SGSM3: variants seen among roughly 807,000 people sequenced by gnomAD.
SGSM3 encodes small G protein signaling modulator 3, also known as RUN and SH3 containing 3.
A neutral mutation model predicts 100.5 loss-of-function variants in SGSM3; 96 were observed. That is an observed-to-expected ratio of 0.96 (90% CI 0.81 to 1.13). SGSM3 has a LOEUF of 1.13. SGSM3 is among the 50% of genes most tolerant of loss of function. The probability of loss-of-function intolerance (pLI) is 0.00; values close to 1 mark genes in which losing one functional copy is unlikely to be tolerated. For synonymous variants in SGSM3, 483 were observed against 422.8 expected, an observed-to-expected ratio of 1.14 and a Z score of -1.75; for missense variants, 1,001 against 1,015.8, an observed-to-expected ratio of 0.99 and a Z score of 0.20.
chr22:40,407,680 A>G lies in SGSM3; in HGVS notation c.1525-109A>G, dbSNP rs761812614. The G allele has an allele frequency of 5.6e-5, 89 of 1,582,748 alleles. No individual in the cohort carries two copies. The highest frequency in any genetic ancestry group is 7.1e-5 in the Non-Finnish European group (82 of 1,155,410). On this transcript the variant is annotated intron_variant, in intron 13 of 21. Transcript: ENST00000248929. The surrounding 1 kb of genome is among the most constrained non-coding windows in gnomAD (Gnocchi z 4.7). The stretch of plus-strand genomic sequence containing the variant: ...CCTGCCAAGAGCTTCTCTTGTGAAG[A>G]TGTAGGGGTCTTGGCCTGGCCTAGT...
At chr22:40,372,113 C>A (rs981954647) in intron 1 of SGSM3, among the ~76,000 whole-genome samples, 1 of 96,184 alleles carries the variant, frequency 1.0e-5, no homozygotes, top group Admixed American at 1.2e-4. Context: ...TTCTCCCTGT[C>A]CCCCCCCCCT....
intron 4 of SGSM3, among the ~76,000 whole-genome samples, chr22:40,403,653 C>T (rs781499445): frequency 1.3e-5 from 2 of 152,070 alleles, no homozygotes; most frequent in South Asian, 2.1e-4. Flanking sequence ...AGAGTGGGCA[C>T]GGCCCAGAGG....
intron 1 of SGSM3, among the ~76,000 whole-genome samples, chr22:40,391,689 GC>G (rs1296718165): frequency 1.3e-5 from 2 of 152,172 alleles, no homozygotes; most frequent in Non-Finnish European, 2.9e-5. Flanking sequence ...GCCATGATTA[GC>G]CTATTGACTA....
At chr22:40,388,245 A>G (rs1364371646) in intron 1 of SGSM3, 1 of 152,216 alleles carries the variant, frequency 6.6e-6, no homozygotes, top group Non-Finnish European at 1.5e-5. Flanking sequence ...AGGGTGATAT[A>G]AATGATCAAC....
rs753417239 is a variant in SGSM3, at chr22:40,407,524, C to CACG, written c.1491_1493dup (p.Asp497dup). The CACG allele has an allele frequency of 1.2e-6, 2 of 1,607,906 alleles. No homozygotes were observed. The highest frequency in any genetic ancestry group is 2.2e-5 in the East Asian group (1 of 44,874). ...CAAGGCCCTGCTGGACTTTGAGCGG[C>CACG]ACGACGACGACGAGCTGGGCTTCCG... is the stretch of plus-strand genomic sequence containing the variant. On this transcript the variant is annotated inframe_insertion, in exon 13 of 22. Transcript: ENST00000248929. The surrounding 1 kb of genome is among the most constrained non-coding windows in gnomAD (Gnocchi z 4.7).
chr22:40,406,707 G>A, intron 10 of SGSM3, 45 bp downstream of exon 10: 1 of 1,496,808 alleles, frequency 6.7e-7, no homozygotes, highest in Non-Finnish European at 9.2e-7. Context: ...AGCACACGGG[G>A]AGGAGGGGTC....
At chr22:40,397,144 A>T (rs1418660800) in intron 1 of SGSM3, among the ~76,000 whole-genome samples, 1 of 152,168 alleles carries the variant, frequency 6.6e-6, no homozygotes, top group East Asian at 1.9e-4. Context: ...CTGCCCACCC[A>T]GCTTAACAAT....
Position 40,407,127 on chromosome 22 carries a change from T to C in SGSM3, c.1240+56T>C. 1 of 1,610,796 alleles carries C rather than the reference T, an allele frequency of 6.2e-7. No individual in the cohort carries two copies. Among genetic ancestry groups the C allele is most frequent in the Admixed American group, 1.7e-5 (1 of 59,480 alleles). On this transcript the variant is annotated intron_variant, in intron 11 of 21. Transcript: ENST00000248929. The surrounding 1 kb of genome is among the most constrained non-coding windows in gnomAD (Gnocchi z 4.7). ...GGCATGCGGGAGTCTGTCCTCACGC[T>C]CATGTGGACGTGGAGCTTCCTCCTC...
intron 1 of SGSM3, among the ~76,000 whole-genome samples, chr22:40,380,339 CTTTT>C (rs1422391661): frequency 6.7e-6 from 1 of 148,984 alleles, no homozygotes; most frequent in Non-Finnish European, 1.5e-5. Context: ...CATTTTCTAG[CTTTT>C]TTTAACCATG....
At chr22:40,408,452 G>T in intron 16 of SGSM3, 23 bp downstream of exon 16, 2 of 1,612,938 alleles carry the variant, frequency 1.2e-6, no homozygotes, top group South Asian at 2.2e-5. Flanking sequence ...CTGGGCCCAT[G>T]ACCCCCACCC....
rs1180465936 is a variant in SGSM3, at chr22:40,410,049, G to A, written c.*290G>A. On this transcript the variant is annotated 3_prime_UTR_variant, in exon 22 of 22. Coordinates refer to ENST00000248929, the MANE Select transcript of SGSM3 (RefSeq NM_015705.6). ...CTCAGGAAGAGGGAAGGGGATGGGG[G>A]TGGCTAGTAGGCTCCTGGCCTCTTT... 3 of 1,300,920 alleles carry A rather than the reference G, an allele frequency of 2.3e-6. No homozygotes were observed. Among genetic ancestry groups the A allele is most frequent in the Admixed American group, 3.9e-5 (1 of 25,632 alleles). The allele number at this position is 1,300,920 out of a possible 1,614,324, so 80.6% of individuals were successfully genotyped here.
chr22:40,402,301 T>C, intron 4 of SGSM3, 96 bp downstream of exon 4: 1 of 913,526 alleles, frequency 1.1e-6, no homozygotes, highest in East Asian at 2.4e-5. Flanking sequence ...ATGGCTGAGC[T>C]CTGATGCGTC....
Position 40,402,096 on chromosome 22 carries a change from A to T in SGSM3, c.91-43A>T, listed in dbSNP as rs906149548. 5 of 1,503,336 alleles carry T rather than the reference A, an allele frequency of 3.3e-6. No homozygotes were observed. The Admixed American group carries it at 8.4e-5, about 25-fold the overall frequency. 93.1% of individuals were successfully genotyped at this position (1,503,336 alleles called of 1,614,324 possible). A position where few individuals can be genotyped will look rare whatever the true frequency, so the allele number is the denominator to read the frequency against. On this transcript the variant is annotated intron_variant, in intron 3 of 21. Coordinates refer to ENST00000248929, the MANE Select transcript of SGSM3 (RefSeq NM_015705.6). ...GCATCTTTCAGACCTGAGGCCCCCA[A>T]CTAGGGGACAGGCAACTGACTTCAA...
At position 40,409,996 on chromosome 22, in the gene SGSM3, G is replaced by C. The variant is rs1050821866; in HGVS notation, c.*237G>C. The C allele has an allele frequency of 7.5e-7, 1 of 1,336,302 alleles. No homozygotes were observed. Among genetic ancestry groups the C allele is most frequent in the Non-Finnish European group, 9.5e-7 (1 of 1,049,828 alleles). 82.8% of individuals were successfully genotyped at this position (1,336,302 alleles called of 1,614,324 possible). ...AACCACAGTTTGTACCAAAAACCTTGTGAGGAGGTGGGGGAGCCATGTCTG... is the reference window on the plus strand; with the variant it reads ...AACCACAGTTTGTACCAAAAACCTTCTGAGGAGGTGGGGGAGCCATGTCTG... On this transcript the variant is annotated 3_prime_UTR_variant, in exon 22 of 22. Coordinates refer to ENST00000248929, the MANE Select transcript of SGSM3 (RefSeq NM_015705.6).
At position 40,408,670 on chromosome 22, in the gene SGSM3, C is replaced by T. The variant is rs141061307; in HGVS notation, c.1826C>T (p.Ser609Phe). The T allele has an allele frequency of 2.2e-5, 35 of 1,613,940 alleles. No homozygotes were observed. Among genetic ancestry groups the T allele is most frequent in the Non-Finnish European group, 2.8e-5 (33 of 1,180,038 alleles). ...GAGAGAGACTTTGCCTCCGTGTATT[C>T]CCGTCTGGTGCTCTGTAAGACCTTC... The part of the protein sequence containing the change: ...EVERDFASVY[S>F]RLVLCKTFRL... The change falls in exon 17 of 22, where the codon TCC (serine) becomes TTC (phenylalanine). Residue 609 changes from serine (S) to phenylalanine (F), a missense_variant. Coordinates refer to ENST00000248929, the MANE Select transcript of SGSM3 (RefSeq NM_015705.6).
chr22:40,393,671 G>C (rs1014734926), intron 1 of SGSM3, among the ~76,000 whole-genome samples: 1 of 152,202 alleles, frequency 6.6e-6, no homozygotes, highest in African/African-American at 2.4e-5. Context: ...GAATATGCTG[G>C]GTCATTTTTA....
intron 4 of SGSM3, chr22:40,403,998 T>G (rs991430781): frequency 8.2e-6 from 3 of 365,060 alleles, no homozygotes; most frequent in African/African-American, 6.3e-5. Context: ...GTGTCATTTC[T>G]GGATCCGGGT....
rs141023679 is a variant in SGSM3, at chr22:40,393,613, G to A, written c.-111-7083G>A. Among the ~76,000 whole-genome samples, 140 of 152,302 alleles carry A rather than the reference G, an allele frequency of 9.2e-4. 1 individual carries two copies. Among genetic ancestry groups the A allele is most frequent in the African/African-American group, 2.8e-3 (118 of 41,572 alleles). ...TCTCTGTCCTCACATTGAGTGACAC[G>A]GATGATCACCCACTCCTTGTCTTAG... is the stretch of plus-strand genomic sequence containing the variant. On this transcript the variant is annotated intron_variant, in intron 1 of 21. Transcript: ENST00000248929.
At chr22:40,404,200 C>T (rs528934163) in intron 4 of SGSM3, 47 bp from the exon 5 acceptor site, 9 of 1,458,920 alleles carry the variant, frequency 6.2e-6, no homozygotes, top group Admixed American at 2.3e-5. Flanking sequence ...TTGGAGAACA[C>T]GTAGTAGAGA....
Sources: gnomAD v4.1 joint callset for allele counts (sites outside exome capture counted in the v4.1 genomes callset) on GRCh38, gnomAD v4.1.1 for gene constraint, Gnocchi (gnomAD v3.1) non-coding constraint, MANE v1.5 for transcripts, NCBI Gene and HGNC (gene_info 2026-07-23, HGNC 2026-07-21) for gene names.